Variants in DDAH1 observed in about 807,000 individuals in gnomAD.
The protein encoded by DDAH1 is dimethylarginine dimethylaminohydrolase 1.
A neutral mutation model predicts 28.8 loss-of-function variants in DDAH1; 19 were observed. The ratio of observed to expected loss-of-function variants is 0.66; its 90% CI spans 0.46 to 0.97. The LOEUF is 0.97. DDAH1 is among the 50% of genes least tolerant of loss of function. DDAH1 has a pLI of 0.00. For missense variants in DDAH1, 326 were observed against 375.9 expected (o/e 0.87, Z 1.10); for synonymous variants, 153 against 154.4 (o/e 0.99, Z 0.07).
At chr1:85,441,629 G>C (rs1279942341) in intron 1 of DDAH1, among the ~76,000 whole-genome samples, 1 of 152,040 alleles carries the variant, frequency 6.6e-6, no homozygotes, top group Non-Finnish European at 1.5e-5. Context: ...TCACTCAATT[G>C]CTTTACTCCA....
intron 1 of DDAH1, chr1:85,404,557 A>G: frequency 7.5e-7 from 1 of 1,340,784 alleles, no homozygotes; most frequent in African/African-American, 1.5e-5. Flanking sequence ...CAGAAAAAAA[A>G]ATAGGAGTTC....
chr1:85,465,245 C>A (rs1053656406), upstream of DDAH1: 1 of 1,089,166 alleles, frequency 9.2e-7, no homozygotes, highest in Non-Finnish European at 1.1e-6. Context: ...CCGCGCGCAT[C>A]CCGCGCGCCC....
Position 85,552,531 on chromosome 1 carries a change from A to C in DDAH1, c.-123+25453T>G, listed in dbSNP as rs935606111. Among the ~76,000 whole-genome samples the C allele has an allele frequency of 2.6e-5, 4 of 152,296 alleles. No individual in the cohort carries two copies. The East Asian group carries it at 7.7e-4, about 29-fold the overall frequency. Reference sequence around the variant, plus strand: ...GTCTAGCATAATGGCCACTTCCTCAAGGAAGCTCCCTTAATTCTTCTCATC... The same window carrying C: ...GTCTAGCATAATGGCCACTTCCTCACGGAAGCTCCCTTAATTCTTCTCATC... On this transcript the variant is annotated intron_variant, in intron 1 of 6. Coordinates refer to the DDAH1 transcript ENST00000426972.
chr1:85,334,817 AT>A (rs577263249), intron 4 of DDAH1, among the ~76,000 whole-genome samples: 53 of 152,362 alleles, frequency 3.5e-4, no homozygotes, highest in African/African-American at 1.3e-3. Flanking sequence ...AGAAGTCTCC[AT>A]CAGACTAACA....
chr1:85,573,907 T>C (rs1659526018), intron 1 of DDAH1, among the ~76,000 whole-genome samples: 1 of 152,250 alleles, frequency 6.6e-6, no homozygotes, highest in Admixed American at 6.5e-5. Flanking sequence ...TGGCTGGGAG[T>C]TATAGAATGC....
Position 85,464,531 on chromosome 1 carries a change from C to T in DDAH1, c.303+212G>A, listed in dbSNP as rs2100694003. On this transcript the variant is annotated intron_variant, in intron 1 of 5. Coordinates refer to ENST00000284031, the MANE Select transcript of DDAH1 (RefSeq NM_012137.4). This position sits in a 1 kb window ranked among gnomAD's most constrained non-coding sequence, Gnocchi z 4.4. ...CCGTACAACCACATTGAATCGGATC[C>T]TCCAGAAGGCTGCCGGCAGCCGGGA... is the stretch of plus-strand genomic sequence containing the variant. The T allele has an allele frequency of 1.3e-6, 2 of 1,529,530 alleles. No homozygotes were observed. The highest frequency in any genetic ancestry group is 1.7e-6 in the Non-Finnish European group (2 of 1,143,378). The allele number at this position is 1,529,530 out of a possible 1,614,324, so 94.7% of individuals were successfully genotyped here. A position where few individuals can be genotyped will look rare whatever the true frequency, so the allele number is the denominator to read the frequency against.
chr1:85,536,730 T>C (rs1469114206), intron 1 of DDAH1, among the ~76,000 whole-genome samples: 1 of 151,850 alleles, frequency 6.6e-6, no homozygotes, highest in Non-Finnish European at 1.5e-5. Flanking sequence ...ACTAGTACAG[T>C]CATTATAGGA....
rs1245108797 is a variant in DDAH1 at position 85,500,134 on chromosome 1, CTT to C, written c.-122-3855_-122-3854del. On this transcript the variant is annotated intron_variant, in intron 1 of 6. Coordinates refer to the DDAH1 transcript ENST00000426972. Reference sequence around the variant, plus strand: ...TTTTCTTTTCTTTCTTTCTTTCTTTCTTTCTTTCTTTCTTTTCTTTCTTTCTT... The same window carrying C: ...TTTTCTTTTCTTTCTTTCTTTCTTTCTCTTTCTTTCTTTTCTTTCTTTCTT... Among the ~76,000 whole-genome samples the C allele has an allele frequency of 3.4e-4, 15 of 44,514 alleles. No homozygotes were observed. The East Asian group carries it at 0.01, about 30-fold the overall frequency. The allele number at this position is 44,514 out of a possible 152,430, so 29.2% of individuals were successfully genotyped here.
intron 1 of DDAH1, chr1:85,521,499 A>G (rs1162596480): frequency 8.2e-5 from 38 of 461,946 alleles, no homozygotes; most frequent in Non-Finnish European, 1.1e-4. Context: ...TGCTATGCTG[A>G]AAACCTTCGT....
chr1:85,569,029 T>C (rs1030315242), intron 1 of DDAH1, among the ~76,000 whole-genome samples: 1 of 152,230 alleles, frequency 6.6e-6, no homozygotes, highest in Non-Finnish European at 1.5e-5. Flanking sequence ...GGTACGATCA[T>C]TTCACAAATG....
At chr1:85,421,747 T>A (rs1254020779) in intron 1 of DDAH1, among the ~76,000 whole-genome samples, 1 of 152,222 alleles carries the variant, frequency 6.6e-6, no homozygotes, top group Non-Finnish European at 1.5e-5. Context: ...CATTTAAGAT[T>A]CATCTGTGTC....
chr1:85,476,080 T>C (rs1352940593), intron 2 of DDAH1, among the ~76,000 whole-genome samples: 1 of 152,168 alleles, frequency 6.6e-6, no homozygotes, highest in Non-Finnish European at 1.5e-5. Flanking sequence ...CAGGCTGGTC[T>C]CAAACTCGTG....
intron 1 of DDAH1, among the ~76,000 whole-genome samples, chr1:85,538,496 A>G (rs1255263432): frequency 1.3e-5 from 2 of 152,174 alleles, no homozygotes; most frequent in Admixed American, 6.5e-5. Context: ...GCCTACCTCA[A>G]TGATTTGCCC....
intron 1 of DDAH1, among the ~76,000 whole-genome samples, chr1:85,548,978 G>A (rs375061741): frequency 1.4e-4 from 22 of 152,216 alleles, no homozygotes; most frequent in African/African-American, 5.1e-4. Flanking sequence ...TCGAACTCCT[G>A]TTCTACATAA....
At chr1:85,404,673 T>C (rs1652322185) in intron 1 of DDAH1, 2 of 422,010 alleles carry the variant, frequency 4.7e-6, no homozygotes, top group Non-Finnish European at 7.3e-6. Flanking sequence ...ACGTAATAGC[T>C]TTTCCGTTCT....
chr1:85,335,399 A>G (rs1168401727), intron 4 of DDAH1, among the ~76,000 whole-genome samples: 1 of 152,194 alleles, frequency 6.6e-6, no homozygotes, highest in Non-Finnish European at 1.5e-5. Flanking sequence ...AAAACCCATG[A>G]CCTAACTATA....
chr1:85,520,048 C>G (rs1657626361), intron 1 of DDAH1, among the ~76,000 whole-genome samples: 1 of 151,172 alleles, frequency 6.6e-6, no homozygotes, highest in South Asian at 2.1e-4. Context: ...AGTTTTGGTG[C>G]ACCCATCACC....
chr1:85,439,726 G>T (rs559711025), intron 1 of DDAH1, among the ~76,000 whole-genome samples: 1 of 152,278 alleles, frequency 6.6e-6, no homozygotes, highest in East Asian at 1.9e-4. Context: ...GGCACAATCA[G>T]CTGGAAACTG....
chr1:85,338,417 C>T (rs1440238129), intron 4 of DDAH1, among the ~76,000 whole-genome samples: 1 of 152,174 alleles, frequency 6.6e-6, no homozygotes, highest in Non-Finnish European at 1.5e-5. Flanking sequence ...AGAGCTATTT[C>T]TCTAAAGTGC....
Sources: gnomAD v4.1 joint callset for allele counts (sites outside exome capture counted in the v4.1 genomes callset) on GRCh38, gnomAD v4.1.1 for gene constraint, Gnocchi (gnomAD v3.1) non-coding constraint, MANE v1.5 for transcripts, NCBI Gene and HGNC (gene_info 2026-07-23, HGNC 2026-07-21) for gene names.